LAMA2: variants seen among roughly 807,000 people sequenced by gnomAD.
LAMA2 encodes laminin subunit alpha-2.
LAMA2 carries 269 observed loss-of-function variants against 364.8 expected under a neutral mutation model. That is an observed-to-expected ratio of 0.74 (90% CI 0.67 to 0.82). The LOEUF (loss-of-function observed/expected upper bound fraction) is 0.82. LAMA2 is among the 40% of genes least tolerant of loss of function. The pLI, the probability that LAMA2 is intolerant of heterozygous loss-of-function variation, is 0.00. For synonymous variants in LAMA2, 1,379 were observed against 1,370.6 expected (o/e 1.01, Z -0.14); for missense variants, 3,807 against 3,873.2 (o/e 0.98, Z 0.45).
At chr6:128,896,053 A>G (rs1165405427) in intron 1 of LAMA2, among the ~76,000 whole-genome samples, 1 of 152,102 alleles carries the variant, frequency 6.6e-6, no homozygotes, top group African/African-American at 2.4e-5. Context: ...AGGGCCTCAT[A>G]CTGCTCTGAT....
At position 129,393,225 on chromosome 6, in the gene LAMA2, A is replaced by G. The variant is rs896319488; in HGVS notation, c.5415A>G (p.Ala1805=). The change falls in exon 37 of 65, where the codon GCA becomes GCG. Residue 1805 remains alanine (A), a synonymous_variant. Coordinates refer to ENST00000421865, the MANE Select transcript of LAMA2 (RefSeq NM_000426.4). ...TCAGAGAAGCTAATCGCCTATTTGC[A>G]GTAAATCAGAAAAACATGACTGCAT... ...DKIREANRLF[A]VNQKNMTALE... 1.4e-5 allele frequency: 23 copies of G among 1,614,052 alleles called. No individual in the cohort carries two copies. Among genetic ancestry groups the G allele is most frequent in the Non-Finnish European group, 1.9e-5 (23 of 1,179,918 alleles).
At chr6:128,994,706 G>T (rs1783816447) in intron 1 of LAMA2, among the ~76,000 whole-genome samples, 1 of 151,840 alleles carries the variant, frequency 6.6e-6, no homozygotes, top group African/African-American at 2.4e-5. Context: ...TGGTTTTCTG[G>T]GCAGAGAAAA....
At chr6:129,465,463 C>CT (rs966659234) in intron 51 of LAMA2, among the ~76,000 whole-genome samples, 174 bp downstream of exon 51, 1 of 151,882 alleles carries the variant, frequency 6.6e-6, no homozygotes, top group African/African-American at 2.4e-5. Context: ...TTAGACATGA[C>CT]TGATTGAAGA....
chr6:129,465,153 C>A lies in LAMA2; in HGVS notation c.7164C>A (p.Phe2388Leu). Residue 2388 changes from phenylalanine (F) to leucine (L), a missense_variant, in exon 51 of 65, where the codon TTC becomes TTA. Transcript: ENST00000421865. ...GTTTACTCTATTAATAGAGAGATTT[C>A]ATGAGTGTGGAGCTCACTGATGGGC... ...MYLATRDLRD[F>L]MSVELTDGHI... is the part of the protein sequence containing the mutation. 6.2e-7 allele frequency: 1 copy of A among 1,609,976 alleles called. No homozygotes were observed. Among genetic ancestry groups the A allele is most frequent in the South Asian group, 1.1e-5 (1 of 91,038 alleles).
At chr6:128,907,407 G>A (rs979892070) in intron 1 of LAMA2, among the ~76,000 whole-genome samples, 3 of 151,906 alleles carry the variant, frequency 2.0e-5, no homozygotes, top group African/African-American at 7.3e-5. Flanking sequence ...AATTGTGAAT[G>A]GGAGTTCACT....
At chr6:129,062,793 T>G (rs915377443) in intron 3 of LAMA2, among the ~76,000 whole-genome samples, 11 of 152,128 alleles carry the variant, frequency 7.2e-5, no homozygotes, top group Admixed American at 5.9e-4. Context: ...TTTCAACAAG[T>G]GCCAGTATTG....
chr6:129,100,726 T>G (rs1402560077), intron 4 of LAMA2, among the ~76,000 whole-genome samples: 2 of 152,140 alleles, frequency 1.3e-5, no homozygotes, highest in African/African-American at 4.8e-5. Context: ...GAATCCTAAT[T>G]CTGATATATC....
In LAMA2 at chr6:129,030,538, C is replaced by A. The variant is rs533189851; in HGVS notation, c.113-19380C>A. On this transcript the variant is annotated intron_variant, in intron 1 of 64. Coordinates refer to ENST00000421865, the MANE Select transcript of LAMA2 (RefSeq NM_000426.4). ...ATTGAGCAAGTAATGCCTATCCCAT[C>A]TATATTATAGCTTTGTTGGAAGACT... Among the ~76,000 whole-genome samples, 3 of 152,252 alleles carry A rather than the reference C, an allele frequency of 2.0e-5. No individual in the cohort carries two copies. In the South Asian group the frequency reaches 6.2e-4, roughly 32 times the overall value.
intron 19 of LAMA2, among the ~76,000 whole-genome samples, chr6:129,290,958 C>T (rs1472324330): frequency 6.6e-6 from 1 of 152,086 alleles, no homozygotes; most frequent in African/African-American, 2.4e-5. Context: ...TTTTAAACTT[C>T]TGAATCTTAA....
At chr6:129,024,382 CTTTTTTT>C (rs202105513) in intron 1 of LAMA2, among the ~76,000 whole-genome samples, 5 of 116,830 alleles carry the variant, frequency 4.3e-5, no homozygotes, top group African/African-American at 8.6e-5. Context: ...TCTTTTCTTT[CTTTTTTT>C]TTTTTTTTTT....
intron 1 of LAMA2, among the ~76,000 whole-genome samples, chr6:128,946,116 C>A (rs1780466627): frequency 2.0e-5 from 3 of 151,306 alleles, no homozygotes; most frequent in South Asian, 4.2e-4. Context: ...ATGGAGACTG[C>A]AGCCTCTCTA....
At chr6:129,459,132 C>G (rs531493698) in intron 48 of LAMA2, among the ~76,000 whole-genome samples, 1 of 152,106 alleles carries the variant, frequency 6.6e-6, no homozygotes, top group South Asian at 2.1e-4. Context: ...TACTACACAC[C>G]TAGGCTTTAT....
intron 12 of LAMA2, among the ~76,000 whole-genome samples, chr6:129,229,210 A>G (rs971733318): frequency 2.0e-5 from 3 of 152,228 alleles, no homozygotes; most frequent in African/African-American, 7.2e-5. Flanking sequence ...ATGACAAGAA[A>G]AAAAGTAGAG....
chr6:129,158,681 A>T lies in LAMA2; in HGVS notation c.1206+3998A>T, dbSNP rs190714400. On this transcript the variant is annotated intron_variant, in intron 8 of 64. Coordinates refer to ENST00000421865, the MANE Select transcript of LAMA2 (RefSeq NM_000426.4). ...AAACCAGCCATCGAATGCTGCCATCAAAAAACGGACCTATGACAACAGGGG... is the reference window on the plus strand; with the variant it reads ...AAACCAGCCATCGAATGCTGCCATCTAAAAACGGACCTATGACAACAGGGG... 134 of 1,614,142 alleles carry T rather than the reference A, an allele frequency of 8.3e-5. No homozygotes were observed. In the African/African-American group the frequency reaches 1.6e-3, roughly 19 times the overall value.
chr6:129,151,442 T>A (rs1185623843), intron 7 of LAMA2, among the ~76,000 whole-genome samples: 1 of 152,098 alleles, frequency 6.6e-6, no homozygotes, highest in Non-Finnish European at 1.5e-5. Context: ...TCCCAGCTAC[T>A]GGAAAGAAGC....
intron 40 of LAMA2, among the ~76,000 whole-genome samples, chr6:129,421,166 A>G (rs1475029522): frequency 2.0e-5 from 3 of 152,096 alleles, no homozygotes; most frequent in African/African-American, 7.2e-5. Context: ...GTTGAATCCT[A>G]ACAGACTTTA....
Position 128,938,589 on chromosome 6 carries a change from A to G in LAMA2, c.112+55232A>G, listed in dbSNP as rs575645439. ...GTCTCCCCTGTTGACTATCAATTCA[A>G]TGCCTAGGTCCCATGAGGGAAGGGT... is the stretch of plus-strand genomic sequence containing the variant. On this transcript the variant is annotated intron_variant, in intron 1 of 64. Coordinates refer to ENST00000421865, the MANE Select transcript of LAMA2 (RefSeq NM_000426.4). Among the ~76,000 whole-genome samples, 3 of 152,286 alleles carry G rather than the reference A, an allele frequency of 2.0e-5. No homozygotes were observed. The South Asian group carries it at 6.2e-4, about 32-fold the overall frequency.
chr6:129,454,754 A>T (rs1737032927), intron 47 of LAMA2, among the ~76,000 whole-genome samples: 1 of 152,194 alleles, frequency 6.6e-6, no homozygotes, highest in South Asian at 2.1e-4. Context: ...TTAAAATGGG[A>T]AGTAACTGAG....
chr6:129,442,147 A>T, intron 43 of LAMA2: 3 of 1,159,720 alleles, frequency 2.6e-6, no homozygotes, highest in Non-Finnish European at 3.5e-6. Flanking sequence ...AAAGCACTGT[A>T]ATTGGTATTA....
Sources: gnomAD v4.1 joint callset for allele counts (sites outside exome capture counted in the v4.1 genomes callset) on GRCh38, gnomAD v4.1.1 for gene constraint, MANE v1.5 for transcripts, NCBI Gene and HGNC (gene_info 2026-07-23, HGNC 2026-07-21) for gene names.